The following PDZD7 variants were observed in gnomAD, a reference collection of about 807,000 sequenced individuals.
The protein encoded by PDZD7 is PDZ domain containing 7.
PDZD7 carries 72 observed loss-of-function variants against 84.7 expected under a neutral mutation model. The ratio of observed to expected loss-of-function variants is 0.85; its 90% confidence interval spans 0.70 to 1.03. PDZD7 has a LOEUF of 1.03. PDZD7 is among the 50% of genes least tolerant of loss of function. PDZD7 has a pLI of 0.00. For synonymous variants in PDZD7, 594 were observed against 580.7 expected, an observed-to-expected ratio of 1.02 and a Z score of -0.33; for missense variants, 1,490 against 1,412.9, an observed-to-expected ratio of 1.05 and a Z score of -0.87.
intron 1 of PDZD7, 22 bp from the exon 2 acceptor site, chr10:101,030,406 G>T: frequency 1.4e-6 from 1 of 697,548 alleles, no homozygotes; most frequent in Non-Finnish European, 2.6e-6. Flanking sequence ...GAGCAGGGAT[G>T]AGGGAGGGGT....
intron 11 of PDZD7, 140 bp downstream of exon 11, chr10:101,015,496 G>GGAGT: frequency 4.5e-6 from 4 of 886,122 alleles, no homozygotes; most frequent in Non-Finnish European, 6.7e-6. Flanking sequence ...GTGTGTGACA[G>GGAGT]GAGTGACTTC....
Position 101,010,872 on chromosome 10 carries a change from C to G in PDZD7, c.2017G>C (p.Gly673Arg), listed in dbSNP as rs1411305662. The change falls in exon 15 of 17, where the codon GGC becomes CGC. Residue 673 changes from glycine (G) to arginine (R), a missense_variant. Physicochemically the swap from Gly to Arg is moderately radical, Grantham distance 125. Coordinates refer to ENST00000619208, the MANE Select transcript of PDZD7 (RefSeq NM_001195263.2). ...CCGTTCACCGGCAGCAGGTAGAAGCCTCCGCGGCTGTCTGGGGAAGAGCGC... is the reference window on the plus strand; with the variant it reads ...CCGTTCACCGGCAGCAGGTAGAAGCGTCCGCGGCTGTCTGGGGAAGAGCGC... Reference protein sequence around the residue: ...LITPVPDSRGGFYLLPVNGFP... With the variant: ...LITPVPDSRGRFYLLPVNGFP... The G allele has an allele frequency of 2.6e-6, 4 of 1,533,834 alleles. No homozygotes were observed. The highest frequency in any genetic ancestry group is 2.7e-5 in the African/African-American group (2 of 72,916).
At chr10:101,028,889 C>A (rs935347457) in intron 2 of PDZD7, among the ~76,000 whole-genome samples, 2 of 152,134 alleles carry the variant, frequency 1.3e-5, no homozygotes, top group East Asian at 3.9e-4. Context: ...CAGGGGTGAG[C>A]GTGCCAGGGC....
chr10:101,011,887 G>A, intron 13 of PDZD7, 38 bp downstream of exon 13: 2 of 1,549,438 alleles, frequency 1.3e-6, no homozygotes, highest in Non-Finnish European at 1.7e-6. Context: ...ACCCCCAGCA[G>A]GGCTCAGGAC....
intron 9 of PDZD7, 121 bp downstream of exon 9, chr10:101,017,978 C>T: frequency 8.7e-7 from 1 of 1,151,726 alleles, no homozygotes; most frequent in Non-Finnish European, 1.3e-6. Flanking sequence ...AACTGAGGCT[C>T]TCAGGGGTTG....
At chr10:101,019,711 T>C (rs1852965547) in intron 7 of PDZD7, among the ~76,000 whole-genome samples, 1 of 151,474 alleles carries the variant, frequency 6.6e-6, no homozygotes, top group Non-Finnish European at 1.5e-5. Context: ...CTGCAACCTC[T>C]ACTTCCTGAG....
In PDZD7 at chr10:101,015,619, A is replaced by T; in HGVS notation, c.1749+17T>A. On this transcript the variant is annotated intron_variant, in intron 11 of 16. Transcript: ENST00000619208. ...GAAGGACCGTGTGCCAGGGCTGCGG[A>T]TGGGATGAAGGCTTACCCGGGAGCA... is the stretch of plus-strand genomic sequence containing the variant. The T allele has an allele frequency of 6.5e-7, 1 of 1,545,838 alleles. No individual in the cohort carries two copies. Among genetic ancestry groups the T allele is most frequent in the Non-Finnish European group, 8.7e-7 (1 of 1,143,240 alleles).
Position 101,030,190 on chromosome 10 carries a change from G to A in PDZD7, c.30C>T (p.Asp10=). Residue 10 remains aspartate, a synonymous_variant, in exon 2 of 17, where the codon GAC becomes GAT. Transcript: ENST00000619208. The part of the protein sequence containing the change: MAQGFAVGF[D]PLGLGDLSSG... Reference sequence around the variant, plus strand: ...AGCTCAGGTCTCCTAGGCCCAGTGGGTCGAAGCCCACTGCGAAACCCTGCG... The same window carrying A: ...AGCTCAGGTCTCCTAGGCCCAGTGGATCGAAGCCCACTGCGAAACCCTGCG... The A allele has an allele frequency of 6.2e-7, 1 of 1,612,740 alleles. No homozygotes were observed. The highest frequency in any genetic ancestry group is 1.1e-5 in the South Asian group (1 of 90,990).
chr10:101,015,596 A>G lies in PDZD7; in HGVS notation c.1749+40T>C, dbSNP rs1394328889. 3 of 1,531,774 alleles carry G rather than the reference A, an allele frequency of 2.0e-6. No homozygotes were observed. The African/African-American group carries it at 4.1e-5, about 21-fold the overall frequency. 94.9% of individuals were successfully genotyped at this position (1,531,774 alleles called of 1,614,324 possible). A position where few individuals can be genotyped will look rare whatever the true frequency, so the allele number is the denominator to read the frequency against. On this transcript the variant is annotated intron_variant, in intron 11 of 16. Transcript: ENST00000619208. ...AATGAATGATGGGCTGGGTGACTGA[A>G]GGACCGTGTGCCAGGGCTGCGGATG...
rs372731105 is a variant in PDZD7 at position 101,018,853 on chromosome 10, G to A, written c.1293C>T (p.Ile431=). ...AGGTCAGATAGCTCTGGGAGCGCGT[G>A]ATGGGGGGCCGGGGTCGGCTGAGGG... ...LLALSRPRPP[I]TRSQSYLTLW... Residue 431 remains isoleucine, a synonymous_variant, in exon 8 of 17, where the codon ATC becomes ATT. Transcript: ENST00000619208. The A allele has an allele frequency of 3.7e-6, 6 of 1,603,476 alleles. No homozygotes were observed. In the African/African-American group the frequency reaches 8.0e-5, roughly 21 times the overall value.
In PDZD7 at chr10:101,013,687, C is replaced by G. The variant is rs189497132; in HGVS notation, c.1750-1429G>C. Among the ~76,000 whole-genome samples the G allele has an allele frequency of 1.7e-4, 26 of 152,216 alleles. No homozygotes were observed. In the East Asian group the frequency reaches 3.5e-3, roughly 20 times the overall value. The stretch of plus-strand genomic sequence containing the variant: ...TGTGCAGGTTGTAACCTGTATAAAC[C>G]TATGCGGCGGCCGTGGGAAAGTGGA... On this transcript the variant is annotated intron_variant, in intron 11 of 16. Coordinates refer to ENST00000619208, the MANE Select transcript of PDZD7 (RefSeq NM_001195263.2).
chr10:101,009,108 C>A (rs1001878011), intron 16 of PDZD7, 142 bp downstream of exon 16: 8 of 819,972 alleles, frequency 9.8e-6, no homozygotes, highest in Non-Finnish European at 1.1e-5. Flanking sequence ...GCTCATCCTG[C>A]TCACCTGAAC....
intron 7 of PDZD7, among the ~76,000 whole-genome samples, chr10:101,020,304 C>T (rs1052317444): frequency 2.0e-5 from 3 of 151,286 alleles, no homozygotes; most frequent in Non-Finnish European, 4.4e-5. Context: ...CTGGGTTTCT[C>T]CATGTTGGTC....
chr10:101,024,011 C>T lies in PDZD7; in HGVS notation c.284G>A (p.Gly95Glu), dbSNP rs370354874. The T allele has an allele frequency of 9.9e-6, 16 of 1,614,246 alleles. No individual in the cohort carries two copies. In the African/African-American group the frequency reaches 1.7e-4, roughly 17 times the overall value. Reference sequence around the variant, plus strand: ...CCCGCGCACGCTGAAGCCCAGCCTCCCTGCTGGACTCTTCTCCACCCGGAC... The same window carrying T: ...CCCGCGCACGCTGAAGCCCAGCCTCTCTGCTGGACTCTTCTCCACCCGGAC... ...HSVRVEKSPA[G>E]RLGFSVRGGS... The change falls in exon 3 of 17, where the codon GGG (glycine) becomes GAG (glutamate). Residue 95 changes from glycine to glutamate, a missense_variant. Physicochemically the swap from Gly to Glu is moderately conservative, Grantham distance 98. Coordinates refer to ENST00000619208, the MANE Select transcript of PDZD7 (RefSeq NM_001195263.2).
At position 101,017,718 on chromosome 10, in the gene PDZD7, G is replaced by A. The variant is rs114821108; in HGVS notation, c.1522+381C>T. ...GGAGGATCGCTTGAGCGTGGGAGGC[G>A]CAGGTCGCAGTGAGCTGAGATGGTG... On this transcript the variant is annotated intron_variant, in intron 9 of 16. Coordinates refer to ENST00000619208, the MANE Select transcript of PDZD7 (RefSeq NM_001195263.2). 6.3e-4 allele frequency: 413 copies of A among 651,280 alleles called. 2 individuals carry two copies. The African/African-American group carries it at 6.7e-3, about 11-fold the overall frequency. 40.3% of individuals were successfully genotyped at this position (651,280 alleles called of 1,614,324 possible).
In PDZD7 at chr10:101,007,755, T is replaced by G. The variant is rs1167377760; in HGVS notation, c.*712A>C. The G allele has an allele frequency of 1.6e-6, 1 of 621,862 alleles. No homozygotes were observed. Among genetic ancestry groups the G allele is most frequent in the Non-Finnish European group, 2.0e-6 (1 of 488,332 alleles). 38.5% of individuals were successfully genotyped at this position (621,862 alleles called of 1,614,324 possible). A position where few individuals can be genotyped will look rare whatever the true frequency, so the allele number is the denominator to read the frequency against. On this transcript the variant is annotated 3_prime_UTR_variant, in exon 17 of 17. Coordinates refer to ENST00000619208, the MANE Select transcript of PDZD7 (RefSeq NM_001195263.2). Reference sequence around the variant, plus strand: ...TTCACCCAGGTTTATGGCCTCGTTTTCACTTGTATATTTTTCACACTGTAA... The same window carrying G: ...TTCACCCAGGTTTATGGCCTCGTTTGCACTTGTATATTTTTCACACTGTAA...
rs748007416 is a variant in PDZD7 at position 101,011,796 on chromosome 10, AC to A, written c.1934-36del. 99 of 1,550,436 alleles carry A rather than the reference AC, an allele frequency of 6.4e-5. No homozygotes were observed. The African/African-American group carries it at 1.0e-3, about 16-fold the overall frequency. On this transcript the variant is annotated intron_variant, in intron 13 of 16. Coordinates refer to ENST00000619208, the MANE Select transcript of PDZD7 (RefSeq NM_001195263.2). ...GAGATGAACAGGTCAGCGGCAAGGTACCCCGCCAGGCTCCGGGACGGAGGCA... is the reference window on the plus strand; with the variant it reads ...GAGATGAACAGGTCAGCGGCAAGGTACCCGCCAGGCTCCGGGACGGAGGCA...
At position 101,021,915 on chromosome 10, in the gene PDZD7, A is replaced by G. The variant is rs1853128399; in HGVS notation, c.750T>C (p.Asn250=). ...KVDHGGLAEE[N]GIKVGDQVLA... The stretch of plus-strand genomic sequence containing the variant: ...GGACCTGGTCCCCCACCTTGATGCC[A>G]TTCTCCTCGGCCAGCCCACCATGGT... Residue 250 remains asparagine, a synonymous_variant, in exon 6 of 17, where the codon AAT becomes AAC. Transcript: ENST00000619208. 4 of 1,613,990 alleles carry G rather than the reference A, an allele frequency of 2.5e-6. No homozygotes were observed. The South Asian group carries it at 3.3e-5, about 13-fold the overall frequency.
rs1351717314 is a variant in PDZD7 at position 101,010,348 on chromosome 10, C to T, written c.2541G>A (p.Thr847=). 56 of 1,535,354 alleles carry T rather than the reference C, an allele frequency of 3.6e-5. No homozygotes were observed. Among genetic ancestry groups the T allele is most frequent in the Non-Finnish European group, 4.2e-5 (48 of 1,146,336 alleles). The change falls in exon 15 of 17, where the codon ACG becomes ACA. Residue 847 remains threonine, a synonymous_variant. Transcript: ENST00000619208. ...GGTTCTTCATGGCTGCCTCCTTGGC[C>T]GTCCCCTCAGTTCCACTCTCCGAGG... is the stretch of plus-strand genomic sequence containing the variant. ...QGPSESGTEG[T]AKEAAMKNPS...
Sources: gnomAD v4.1 joint callset for allele counts (sites outside exome capture counted in the v4.1 genomes callset) on GRCh38, gnomAD v4.1.1 for gene constraint, MANE v1.5 for transcripts, NCBI Gene and HGNC (gene_info 2026-07-23, HGNC 2026-07-21) for gene names.